APCDD1L: variants seen among roughly 807,000 people sequenced by gnomAD.
APCDD1L encodes protein APCDD1-like.
A neutral mutation model predicts 24.2 loss-of-function variants in APCDD1L; 21 were observed. The observed-to-expected ratio is 0.87, with a 90% confidence interval of 0.61 to 1.25. The LOEUF is 1.25. Ranked by LOEUF, APCDD1L falls within the 50% of genes most tolerant of loss-of-function variation. The pLI is 0.00. For missense variants in APCDD1L, 704 were observed against 711.7 expected (o/e 0.99, Z 0.12); for synonymous variants, 321 against 323.6 (o/e 0.99, Z 0.09).
intron 3 of APCDD1L, among the ~76,000 whole-genome samples, chr20:58,465,230 G>C (rs1989684886): frequency 6.6e-6 from 1 of 152,146 alleles, no homozygotes; most frequent in African/African-American, 2.4e-5. Context: ...TGCCAAAAAG[G>C]GAATAATTTT....
chr20:58,510,154 G>A (rs145243167), intron 1 of APCDD1L, among the ~76,000 whole-genome samples: 1 of 152,296 alleles, frequency 6.6e-6, no homozygotes, highest in East Asian at 1.9e-4. Flanking sequence ...GCTTGGTAAA[G>A]TGCTCATCAG....
At chr20:58,513,738 C>T (rs946814371) in intron 1 of APCDD1L, 1 of 497,806 alleles carries the variant, frequency 2.0e-6, no homozygotes. Flanking sequence ...CACAATCATC[C>T]CAGACGGAGG....
rs1399600329 is a variant in APCDD1L at position 58,494,419 on chromosome 20, A to AG, written c.49+20239_49+20240insC. ...ATGGGATCGGCTCACTGCAGCCTCA[A>AG]ACTCCCCGGCTCAAGCCATCCTCTG... On this transcript the variant is annotated intron_variant, in intron 1 of 3. Coordinates refer to ENST00000371149, the MANE Select transcript of APCDD1L (RefSeq NM_153360.3). The surrounding 1 kb of genome is among the most constrained non-coding windows in gnomAD (Gnocchi z 4.8). Among the ~76,000 whole-genome samples, 3 of 151,912 alleles carry AG rather than the reference A, an allele frequency of 2.0e-5. No homozygotes were observed. Among genetic ancestry groups the AG allele is most frequent in the Admixed American group, 2.0e-4 (3 of 15,246 alleles).
chr20:58,461,766 C>CT lies in APCDD1L; in HGVS notation c.742-213_742-212insA, dbSNP rs1367711839. 3 of 433,564 alleles carry CT rather than the reference C, an allele frequency of 6.9e-6. No homozygotes were observed. The highest frequency in any genetic ancestry group is 1.2e-5 in the Non-Finnish European group (3 of 257,078). 26.9% of individuals were successfully genotyped at this position (433,564 alleles called of 1,614,324 possible). On this transcript the variant is annotated intron_variant, in intron 3 of 3. Coordinates refer to ENST00000371149, the MANE Select transcript of APCDD1L (RefSeq NM_153360.3). The surrounding 1 kb of genome is among the most constrained non-coding windows in gnomAD (Gnocchi z 6.0). ...CCTTGATGGAGGTCAGCCCCTGTATCCCCCGGGCCTTGGGTCTCCTGCTGT... is the reference window on the plus strand; with the variant it reads ...CCTTGATGGAGGTCAGCCCCTGTATCTCCCCGGGCCTTGGGTCTCCTGCTGT...
intron 1 of APCDD1L, among the ~76,000 whole-genome samples, chr20:58,509,961 C>A (rs1243291210): frequency 2.6e-5 from 4 of 152,202 alleles, no homozygotes; most frequent in African/African-American, 9.7e-5. Flanking sequence ...TGTCCACTCT[C>A]CACCCCTTGG....
intron 1 of APCDD1L, among the ~76,000 whole-genome samples, chr20:58,473,643 G>A (rs986660225): frequency 6.6e-6 from 1 of 152,078 alleles, no homozygotes; most frequent in Non-Finnish European, 1.5e-5. Flanking sequence ...CTTAACTAAA[G>A]AAATAACAGC....
chr20:58,475,314 C>T (rs1290418145), intron 1 of APCDD1L, among the ~76,000 whole-genome samples: 1 of 152,000 alleles, frequency 6.6e-6, no homozygotes, highest in African/African-American at 2.4e-5. Flanking sequence ...GGGTGGGGTG[C>T]GAGGTGATTT....
chr20:58,485,910 G>A (rs1374826011), intron 1 of APCDD1L, among the ~76,000 whole-genome samples: 1 of 152,234 alleles, frequency 6.6e-6, no homozygotes, highest in Non-Finnish European at 1.5e-5. Context: ...TTCTTTGACT[G>A]TGGCATGAGA....
intron 1 of APCDD1L, among the ~76,000 whole-genome samples, chr20:58,495,381 C>T (rs1425677818): frequency 2.6e-5 from 4 of 152,186 alleles, no homozygotes; most frequent in South Asian, 4.1e-4. Context: ...CCCAGGAAGC[C>T]GGCCCTTGGG....
At chr20:58,513,763 G>A in intron 1 of APCDD1L, 1 of 610,842 alleles carries the variant, frequency 1.6e-6, no homozygotes, top group South Asian at 1.5e-5. Context: ...GATTTTGTGA[G>A]CCCATTTGAC....
chr20:58,466,924 G>A (rs1036874337), intron 3 of APCDD1L, among the ~76,000 whole-genome samples, 182 bp downstream of exon 3: 37 of 152,344 alleles, frequency 2.4e-4, no homozygotes, highest in Non-Finnish European at 4.0e-4. Flanking sequence ...GTCTCCAGCT[G>A]CGTGAACAGG....
chr20:58,467,751 G>A lies in APCDD1L; in HGVS notation c.189-93C>T. 7.9e-7 allele frequency: 1 copy of A among 1,273,870 alleles called. No homozygotes were observed. Among genetic ancestry groups the A allele is most frequent in the South Asian group, 2.0e-5 (1 of 49,828 alleles). The allele number at this position is 1,273,870 out of a possible 1,614,324, so 78.9% of individuals were successfully genotyped here. The stretch of plus-strand genomic sequence containing the variant: ...GGGCTGGGCTCCTTTCTCCCCCCCA[G>A]CCCTCCTCTTAGTCCTCAGCTCAGG... On this transcript the variant is annotated intron_variant, in intron 2 of 3. Transcript: ENST00000371149. The surrounding 1 kb of genome is among the most constrained non-coding windows in gnomAD (Gnocchi z 5.9).
intron 1 of APCDD1L, among the ~76,000 whole-genome samples, chr20:58,471,212 G>T (rs1485359083): frequency 6.6e-6 from 1 of 152,182 alleles, no homozygotes; most frequent in Non-Finnish European, 1.5e-5. Context: ...CCTATCCCTA[G>T]AGCAGACCAC....
In APCDD1L at chr20:58,497,793, A is replaced by T. The variant is rs1013468539; in HGVS notation, c.49+16866T>A. Among the ~76,000 whole-genome samples, 8 of 152,178 alleles carry T rather than the reference A, an allele frequency of 5.3e-5. No homozygotes were observed. The highest frequency in any genetic ancestry group is 1.2e-4 in the Non-Finnish European group (8 of 68,034). On this transcript the variant is annotated intron_variant, in intron 1 of 3. Coordinates refer to ENST00000371149, the MANE Select transcript of APCDD1L (RefSeq NM_153360.3). The surrounding 1 kb of genome is among the most constrained non-coding windows in gnomAD (Gnocchi z 4.3). ...CAATTCAACCGGCAGCACTTACTGA[A>T]GATCACATGGCTGGTGGAGAAGGGA...
At position 58,468,060 on chromosome 20, in the gene APCDD1L, CCGTCT is replaced by C. The variant is rs564968889; in HGVS notation, c.189-407_189-403del. 1.4e-4 allele frequency among the ~76,000 whole-genome samples: 22 copies of C among 152,270 alleles called. No individual in the cohort carries two copies. The East Asian group carries it at 3.3e-3, about 23-fold the overall frequency. ...GCGTCCTTGCTGAGTGAATGGAGGC[CCGTCT>C]TGTCTCCCCCTTCTCTAGGCTCACT... On this transcript the variant is annotated intron_variant, in intron 2 of 3. Coordinates refer to ENST00000371149, the MANE Select transcript of APCDD1L (RefSeq NM_153360.3).
In APCDD1L at chr20:58,461,140, A is replaced by G; in HGVS notation, c.1156T>C (p.Ser386Pro). 2 of 1,613,102 alleles carry G rather than the reference A, an allele frequency of 1.2e-6. No individual in the cohort carries two copies. Among genetic ancestry groups the G allele is most frequent in the Non-Finnish European group, 1.7e-6 (2 of 1,179,502 alleles). Reference sequence around the variant, plus strand: ...GTGACATCCCGCTCAGTGCCCATGGACCAGGCCCCCGCACCCCCACAGCTG... The same window carrying G: ...GTGACATCCCGCTCAGTGCCCATGGGCCAGGCCCCCGCACCCCCACAGCTG... ...PSSCGGAGAWSMGTERDVTAT... is the reference protein window; with the variant it reads ...PSSCGGAGAWPMGTERDVTAT... Residue 386 changes from serine to proline, a missense_variant, in exon 4 of 4, where the codon TCC becomes CCC. Ser to Pro is a moderately conservative substitution (Grantham distance 74, BLOSUM62 -1). Coordinates refer to ENST00000371149, the MANE Select transcript of APCDD1L (RefSeq NM_153360.3). This position sits in a 1 kb window ranked among gnomAD's most constrained non-coding sequence, Gnocchi z 6.0.
At chr20:58,463,885 GT>G (rs373952310) in intron 3 of APCDD1L, among the ~76,000 whole-genome samples, 6,472 of 49,104 alleles carry the variant, frequency 0.13, 321 homozygotes, top group Non-Finnish European at 0.16. Flanking sequence ...ATTGAGAACA[GT>G]TTTTTTTTGG....
chr20:58,463,825 C>T (rs1305695751), intron 3 of APCDD1L, among the ~76,000 whole-genome samples: 2 of 141,966 alleles, frequency 1.4e-5, no homozygotes, highest in African/African-American at 5.3e-5. Context: ...GAGTTTCATG[C>T]CAGACGAGTG....
intron 1 of APCDD1L, among the ~76,000 whole-genome samples, chr20:58,513,197 C>T (rs1990663578): frequency 6.6e-6 from 1 of 152,182 alleles, no homozygotes; most frequent in African/African-American, 2.4e-5. Flanking sequence ...ACCCGGTTTC[C>T]CCATCCTGTC....
Sources: gnomAD v4.1 joint callset for allele counts (sites outside exome capture counted in the v4.1 genomes callset) on GRCh38, gnomAD v4.1.1 for gene constraint, Gnocchi (gnomAD v3.1) non-coding constraint, MANE v1.5 for transcripts, NCBI Gene and HGNC (gene_info 2026-07-23, HGNC 2026-07-21) for gene names.